The following LGALS3BP variants were observed in gnomAD, a reference collection of about 807,000 sequenced individuals.
The protein encoded by LGALS3BP is galectin-3-binding protein.
LGALS3BP carries 25 observed loss-of-function variants against 22.9 expected under a neutral mutation model. The ratio of observed to expected loss-of-function variants is 1.09; its 90% confidence interval spans 0.80 to 1.53. The LOEUF (loss-of-function observed/expected upper bound fraction) is 1.53, where lower values mean the gene tolerates loss of function less well. Among genes scored for constraint, LGALS3BP ranks in the 40% most tolerant of loss-of-function variants. The probability of loss-of-function intolerance (pLI) is 0.00; values close to 1 mark genes in which losing one functional copy is unlikely to be tolerated. For synonymous variants in LGALS3BP, 335 were observed against 331.1 expected, an observed-to-expected ratio of 1.01 and a Z score of -0.13; for missense variants, 718 against 752.0, an observed-to-expected ratio of 0.95 and a Z score of 0.53.
rs3803782 is a variant in LGALS3BP at position 78,972,455 on chromosome 17, G to A, written c.879C>T (p.Ala293=). Residue 293 remains alanine, a synonymous_variant, in exon 6 of 6, where the codon GCC becomes GCT. Coordinates refer to ENST00000262776, the MANE Select transcript of LGALS3BP (RefSeq NM_005567.4). The surrounding 1 kb of genome is among the most constrained non-coding windows in gnomAD (Gnocchi z 5.1). ...CTGTGGGGACACTGGGCCAGGCCTC[G>A]GCCTGCGTCAAGGCCTCGAAGTTCC... ...LAWNFEALTQ[A]EAWPSVPTDL... 1.8e-4 allele frequency: 292 copies of A among 1,613,408 alleles called. No individual in the cohort carries two copies. The East Asian group carries it at 4.5e-3, about 25-fold the overall frequency.
Position 78,971,516 on chromosome 17 carries a change from G to A in LGALS3BP, c.*60C>T. 10 of 1,495,670 alleles carry A rather than the reference G, an allele frequency of 6.7e-6. No homozygotes were observed. In the South Asian group the frequency reaches 1.1e-4, roughly 17 times the overall value. The allele number at this position is 1,495,670 out of a possible 1,614,324, so 92.6% of individuals were successfully genotyped here. On this transcript the variant is annotated 3_prime_UTR_variant, in exon 6 of 6. Coordinates refer to ENST00000262776, the MANE Select transcript of LGALS3BP (RefSeq NM_005567.4). The surrounding 1 kb of genome is among the most constrained non-coding windows in gnomAD (Gnocchi z 5.6). ...CAGAGAGGAAGGAAGCCGAGGAGGG[G>A]AGCCTGCAGTGAGGGCGTCCTGGGG...
chr17:78,972,797 A>G lies in LGALS3BP; in HGVS notation c.630-93T>C. 2.7e-6 allele frequency: 4 copies of G among 1,461,498 alleles called. No individual in the cohort carries two copies. The highest frequency in any genetic ancestry group is 2.3e-5 in the Admixed American group (1 of 42,906). 90.5% of individuals were successfully genotyped at this position (1,461,498 alleles called of 1,614,324 possible). ...CCAACACAGCCACCTGAGTGCACAC[A>G]GTGTGGGAGTGAGCATGCGTGTGTG... On this transcript the variant is annotated intron_variant, in intron 5 of 5. Transcript: ENST00000262776. This position sits in a 1 kb window ranked among gnomAD's most constrained non-coding sequence, Gnocchi z 5.1.
In LGALS3BP at chr17:78,973,733, C is replaced by T. The variant is rs775223232; in HGVS notation, c.377-511G>A. On this transcript the variant is annotated intron_variant, in intron 4 of 5. Coordinates refer to ENST00000262776, the MANE Select transcript of LGALS3BP (RefSeq NM_005567.4). This position sits in a 1 kb window ranked among gnomAD's most constrained non-coding sequence, Gnocchi z 5.8. ...TCCCGGCTCGGGGGTCAGTGTGGTGCACCCTCTCCCCTTCTTTGAGCCCCT... is the reference window on the plus strand; with the variant it reads ...TCCCGGCTCGGGGGTCAGTGTGGTGTACCCTCTCCCCTTCTTTGAGCCCCT... Among the ~76,000 whole-genome samples, 3 of 152,332 alleles carry T rather than the reference C, an allele frequency of 2.0e-5. No individual in the cohort carries two copies. Among genetic ancestry groups the T allele is most frequent in the East Asian group, 1.9e-4 (1 of 5,182 alleles).
rs2070680690 is a variant in LGALS3BP, at chr17:78,972,373, G to A, written c.961C>T (p.Leu321=). 1.2e-6 allele frequency: 2 copies of A among 1,613,392 alleles called. No homozygotes were observed. The highest frequency in any genetic ancestry group is 1.7e-6 in the Non-Finnish European group (2 of 1,180,042). Reference sequence around the variant, plus strand: ...CTCCAGGTGTCCACGGCCTTCAGTAGGGCCAGCTCGCTGGGCACCGCCAGG... The same window carrying A: ...CTCCAGGTGTCCACGGCCTTCAGTAAGGCCAGCTCGCTGGGCACCGCCAGG... ...SDLAVPSELA[L]LKAVDTWSWG... is the part of the protein sequence containing the mutation. The change falls in exon 6 of 6, where the codon CTA becomes TTA. Residue 321 remains leucine, a synonymous_variant. Transcript: ENST00000262776. This position sits in a 1 kb window ranked among gnomAD's most constrained non-coding sequence, Gnocchi z 5.1.
chr17:78,977,125 A>T lies in LGALS3BP; in HGVS notation c.52+15T>A. The T allele has an allele frequency of 1.2e-6, 2 of 1,613,156 alleles. No individual in the cohort carries two copies. The highest frequency in any genetic ancestry group is 1.7e-6 in the Non-Finnish European group (2 of 1,179,880). ...CACACTTCTGCTTTTGGTATTTCCC[A>T]GGGGCTCAGCTCACCTTGGGTTCCT... On this transcript the variant is annotated intron_variant, in intron 2 of 5. Coordinates refer to ENST00000262776, the MANE Select transcript of LGALS3BP (RefSeq NM_005567.4).
chr17:78,978,116 G>A (rs2070735925), intron 1 of LGALS3BP, among the ~76,000 whole-genome samples: 1 of 152,234 alleles, frequency 6.6e-6, no homozygotes, highest in African/African-American at 2.4e-5. Context: ...CCTGGGGCAG[G>A]CCTCTGGGTG....
At position 78,972,717 on chromosome 17, in the gene LGALS3BP, A is replaced by T. The variant is rs755267030; in HGVS notation, c.630-13T>A. The T allele has an allele frequency of 6.6e-7, 1 of 1,515,282 alleles. No homozygotes were observed. Among genetic ancestry groups the T allele is most frequent in the Admixed American group, 2.2e-5 (1 of 44,496 alleles). The allele number at this position is 1,515,282 out of a possible 1,614,324, so 93.9% of individuals were successfully genotyped here. A position where few individuals can be genotyped will look rare whatever the true frequency, so the allele number is the denominator to read the frequency against. On this transcript the variant is annotated splice_polypyrimidine_tract_variant and intron_variant, in intron 5 of 5. Transcript: ENST00000262776. The surrounding 1 kb of genome is among the most constrained non-coding windows in gnomAD (Gnocchi z 5.1). ...GGAGTAGAAGTACCTGGGGAGAAAG[A>T]AGGAGAGCAGATGCCGGCCCCACAG...
chr17:78,978,413 A>G (rs977797773), intron 1 of LGALS3BP, among the ~76,000 whole-genome samples: 1 of 152,230 alleles, frequency 6.6e-6, no homozygotes, highest in Non-Finnish European at 1.5e-5. Flanking sequence ...CGTGACCCTG[A>G]GAACCACCTT....
rs757435786 is a variant in LGALS3BP at position 78,976,188 on chromosome 17, G to A, written c.53-32C>T. 14 of 1,523,414 alleles carry A rather than the reference G, an allele frequency of 9.2e-6. No homozygotes were observed. In the South Asian group the frequency reaches 1.6e-4, roughly 18 times the overall value. 94.4% of individuals were successfully genotyped at this position (1,523,414 alleles called of 1,614,324 possible). On this transcript the variant is annotated intron_variant, in intron 2 of 5. Transcript: ENST00000262776. The surrounding 1 kb of genome is among the most constrained non-coding windows in gnomAD (Gnocchi z 4.6). ...GCAGAGACCAGCGAGGGCGAGGCTG[G>A]GGCCTGCAGCACCCACCGCCCACAC... is the stretch of plus-strand genomic sequence containing the variant.
intron 3 of LGALS3BP, among the ~76,000 whole-genome samples, chr17:78,975,569 C>T (rs1384860895): frequency 6.6e-6 from 1 of 151,972 alleles, no homozygotes; most frequent in Non-Finnish European, 1.5e-5. Context: ...GCGGGCGGAT[C>T]ACTTGACACC....
Position 78,973,406 on chromosome 17 carries a change from C to A in LGALS3BP, c.377-184G>T. The stretch of plus-strand genomic sequence containing the variant: ...GATTCCTGGACCCTGAGGCCCCGCC[C>A]CTTCCAGCCCTGGGGAACAAGAGCA... On this transcript the variant is annotated intron_variant, in intron 4 of 5. Transcript: ENST00000262776. This position sits in a 1 kb window ranked among gnomAD's most constrained non-coding sequence, Gnocchi z 5.8. 2 of 692,546 alleles carry A rather than the reference C, an allele frequency of 2.9e-6. No homozygotes were observed. The highest frequency in any genetic ancestry group is 2.2e-5 in the South Asian group (1 of 45,514). 42.9% of individuals were successfully genotyped at this position (692,546 alleles called of 1,614,324 possible). A position where few individuals can be genotyped will look rare whatever the true frequency, so the allele number is the denominator to read the frequency against.
intron 3 of LGALS3BP, 192 bp from the exon 4 acceptor site, chr17:78,975,011 C>G (rs1259974253): frequency 2.9e-6 from 2 of 685,942 alleles, no homozygotes; most frequent in African/African-American, 1.8e-5. Context: ...ATAAACTTAG[C>G]CTTCATGCTT....
rs1487379457 is a variant in LGALS3BP at position 78,972,220 on chromosome 17, G to A, written c.1114C>T (p.Leu372=). Residue 372 remains leucine, a synonymous_variant, in exon 6 of 6, where the codon CTG becomes TTG. Coordinates refer to ENST00000262776, the MANE Select transcript of LGALS3BP (RefSeq NM_005567.4). This position sits in a 1 kb window ranked among gnomAD's most constrained non-coding sequence, Gnocchi z 5.1. ...GCCTGCAGAGTCTTCTTCTGGAACAGGGCCTCGTGGCTCCAGTACAGGGAC... is the reference window on the plus strand; with the variant it reads ...GCCTGCAGAGTCTTCTTCTGGAACAAGGCCTCGTGGCTCCAGTACAGGGAC... ...NLSLYWSHEA[L]FQKKTLQALE... 1.2e-6 allele frequency: 2 copies of A among 1,613,828 alleles called. No individual in the cohort carries two copies. The highest frequency in any genetic ancestry group is 1.3e-5 in the African/African-American group (1 of 74,914).
intron 1 of LGALS3BP, 41 bp from the exon 2 acceptor site, chr17:78,977,255 G>T (rs1114624): frequency 0.022 from 33,620 of 1,544,392 alleles, 426 homozygotes; most frequent in African/African-American, 0.039. Context: ...ACGGGAGCCA[G>T]ATGGCCCGAG....
At position 78,976,012 on chromosome 17, in the gene LGALS3BP, C is replaced by G. The variant is rs770939317; in HGVS notation, c.197G>C (p.Gly66Ala). 2 of 1,612,584 alleles carry G rather than the reference C, an allele frequency of 1.2e-6. No individual in the cohort carries two copies. The highest frequency in any genetic ancestry group is 3.3e-5 in the Admixed American group (2 of 59,930). The change falls in exon 3 of 6, where the codon GGC (glycine) becomes GCC (alanine). Residue 66 changes from glycine (G) to alanine (A), a missense_variant. Coordinates refer to ENST00000262776, the MANE Select transcript of LGALS3BP (RefSeq NM_005567.4). This position sits in a 1 kb window ranked among gnomAD's most constrained non-coding sequence, Gnocchi z 4.6. The stretch of plus-strand genomic sequence containing the variant: ...CAGAGCCTGGGTGGCGTTCTCGAAG[C>G]CCAGGGCCCGGCAGACGACGCTGGC... Reference protein sequence around the residue: ...TDASVVCRALGFENATQALGR... With the variant: ...TDASVVCRALAFENATQALGR...
In LGALS3BP at chr17:78,977,249, G is replaced by A; in HGVS notation, c.-23-35C>T. ...ACAGAAGCGGAGGGGTGAGGCACGG[G>A]AGCCAGATGGCCCGAGGCCCCAGGG... is the stretch of plus-strand genomic sequence containing the variant. On this transcript the variant is annotated intron_variant, in intron 1 of 5. Transcript: ENST00000262776. 3.2e-6 allele frequency: 5 copies of A among 1,571,300 alleles called. No individual in the cohort carries two copies. In the South Asian group the frequency reaches 5.6e-5, roughly 18 times the overall value.
At chr17:78,978,420 C>T (rs1257336472) in intron 1 of LGALS3BP, among the ~76,000 whole-genome samples, 2 of 152,236 alleles carry the variant, frequency 1.3e-5, no homozygotes, top group African/African-American at 4.8e-5. Flanking sequence ...CTGAGAACCA[C>T]CTTAGTTACA....
chr17:78,976,109 G>A lies in LGALS3BP; in HGVS notation c.100C>T (p.Gln34Ter), dbSNP rs1291080465. ...CTGTAGAAGATCTCCACGCGGCCCTGGTTGGTGGCGCCCCCATCGGCCAGC... is the reference window on the plus strand; with the variant it reads ...CTGTAGAAGATCTCCACGCGGCCCTAGTTGGTGGCGCCCCCATCGGCCAGC... ...MRLADGGATN[Q>*]GRVEIFYRGQ... The change falls in exon 3 of 6, where the codon CAG becomes TAG. Residue 34 changes from glutamine (Q) to a stop codon, truncating the protein, a stop_gained. Transcript: ENST00000262776. LOFTEE classifies it high-confidence loss of function. This position sits in a 1 kb window ranked among gnomAD's most constrained non-coding sequence, Gnocchi z 4.6. 6.2e-7 allele frequency: 1 copy of A among 1,600,780 alleles called. No homozygotes were observed. The highest frequency in any genetic ancestry group is 1.3e-5 in the African/African-American group (1 of 74,676).
In LGALS3BP at chr17:78,973,825, T is replaced by G. The variant is rs1471084656; in HGVS notation, c.377-603A>C. ...CGCCACAAATATAGTAGTTTTGAAG[T>G]AACTGTGACCTTTCAACCAGGTGGG... On this transcript the variant is annotated intron_variant, in intron 4 of 5. Coordinates refer to ENST00000262776, the MANE Select transcript of LGALS3BP (RefSeq NM_005567.4). The surrounding 1 kb of genome is among the most constrained non-coding windows in gnomAD (Gnocchi z 5.8). Among the ~76,000 whole-genome samples, 2 of 152,212 alleles carry G rather than the reference T, an allele frequency of 1.3e-5. No individual in the cohort carries two copies. The highest frequency in any genetic ancestry group is 3.9e-4 in the East Asian group (2 of 5,190).
Sources: allele counts gnomAD v4.1 joint callset (sites outside exome capture counted in the v4.1 genomes callset), GRCh38; gene constraint gnomAD v4.1.1; non-coding constraint Gnocchi (gnomAD v3.1); transcripts MANE v1.5; gene names NCBI Gene and HGNC (gene_info 2026-07-23, HGNC 2026-07-21).